Variants in ACAD10 observed in about 807,000 individuals in gnomAD.
The protein encoded by ACAD10 is acyl-CoA dehydrogenase family member 10.
In ACAD10, 112 loss-of-function variants were observed where a neutral mutation model predicts 116.8. The observed-to-expected ratio is 0.96, with a 90% CI of 0.82 to 1.12. The LOEUF (loss-of-function observed/expected upper bound fraction) is 1.12, where lower values mean the gene tolerates loss of function less well. Ranked by LOEUF, ACAD10 falls within the 50% of genes most tolerant of loss-of-function variation. ACAD10 has a pLI of 0.00. For synonymous variants in ACAD10, 486 were observed against 510.6 expected (o/e 0.95, Z 0.65); for missense variants, 1,259 against 1,350.2 (o/e 0.93, Z 1.06).
intron 6 of ACAD10, among the ~76,000 whole-genome samples, chr12:111,714,460 T>C (rs761183160): frequency 1.1e-4 from 17 of 150,552 alleles, no homozygotes; most frequent in Admixed American, 2.0e-4. Flanking sequence ...AGGCCAGGAG[T>C]TTGAGACCAG....
At chr12:111,744,198 G>T (rs546551729) in intron 12 of ACAD10, among the ~76,000 whole-genome samples, 10 of 152,260 alleles carry the variant, frequency 6.6e-5, no homozygotes, top group African/African-American at 2.2e-4. Flanking sequence ...CTAGAAGTTG[G>T]CTCTTCCTTT....
chr12:111,729,963 G>C lies in ACAD10; in HGVS notation c.1394+7G>C. The C allele has an allele frequency of 1.2e-6, 2 of 1,612,804 alleles. No homozygotes were observed. The highest frequency in any genetic ancestry group is 8.5e-7 in the Non-Finnish European group (1 of 1,179,204). On this transcript the variant is annotated splice_region_variant and intron_variant, in intron 10 of 20. Coordinates refer to ENST00000313698, the MANE Select transcript of ACAD10 (RefSeq NM_025247.6). ...TGGTGCACGGGGACTTCAGGTAGAT[G>C]TGGTGGCAGGGAGAGCTGAAAAATG...
intron 2 of ACAD10, among the ~76,000 whole-genome samples, chr12:111,695,104 A>T (rs1024156803): frequency 2.6e-5 from 4 of 152,164 alleles, no homozygotes; most frequent in Non-Finnish European, 5.9e-5. Flanking sequence ...GAATGCCTGC[A>T]TGTGGTCCCC....
chr12:111,723,686 C>CA (rs1346360801), intron 8 of ACAD10, among the ~76,000 whole-genome samples: 2 of 73,134 alleles, frequency 2.7e-5, no homozygotes, highest in African/African-American at 1.3e-4. Flanking sequence ...GGGGGCTGAC[C>CA]CCCCCCCCCA....
At chr12:111,740,957 A>G (rs1010429477) in intron 12 of ACAD10, among the ~76,000 whole-genome samples, 1 of 152,144 alleles carries the variant, frequency 6.6e-6, no homozygotes, top group Non-Finnish European at 1.5e-5. Context: ...CTGTGTTCTC[A>G]GCCAGGTTGC....
chr12:111,729,594 G>C lies in ACAD10; in HGVS notation c.1244-212G>C, dbSNP rs573084731. Among the ~76,000 whole-genome samples, 3 of 152,278 alleles carry C rather than the reference G, an allele frequency of 2.0e-5. No homozygotes were observed. The South Asian group carries it at 6.2e-4, about 32-fold the overall frequency. On this transcript the variant is annotated intron_variant, in intron 9 of 20. Transcript: ENST00000313698. ...ACCATATAGCTAGGAACAGCACCCA[G>C]ACCACACTAATCCAGCCAAAGAGCT...
At chr12:111,711,751 A>C (rs1487301863) in intron 5 of ACAD10, among the ~76,000 whole-genome samples, 1 of 151,882 alleles carries the variant, frequency 6.6e-6, no homozygotes, top group Non-Finnish European at 1.5e-5. Context: ...TGGCCTCGTG[A>C]TCCACCCGCC....
At chr12:111,750,190 C>T (rs1369382697) in intron 18 of ACAD10, among the ~76,000 whole-genome samples, 1 of 149,500 alleles carries the variant, frequency 6.7e-6, no homozygotes, top group Non-Finnish European at 1.5e-5. Flanking sequence ...CTACTGGGTT[C>T]ACACCATTCT....
chr12:111,714,151 A>G (rs1566149717), intron 6 of ACAD10, among the ~76,000 whole-genome samples: 1 of 151,722 alleles, frequency 6.6e-6, no homozygotes, highest in Admixed American at 6.6e-5. Flanking sequence ...AGGCTAAGAC[A>G]GGAGAATCAC....
chr12:111,699,319 A>G (rs75456659), intron 2 of ACAD10, among the ~76,000 whole-genome samples: 2,371 of 152,260 alleles, frequency 0.016, 72 homozygotes, highest in African/African-American at 0.054. Context: ...AGTTATGCCA[A>G]CCCCATTTAT....
At chr12:111,692,133 T>C (rs960555248) in intron 1 of ACAD10, among the ~76,000 whole-genome samples, 2 of 152,130 alleles carry the variant, frequency 1.3e-5, no homozygotes, top group Non-Finnish European at 2.9e-5. Context: ...CATGCCCGGC[T>C]AATTTTGTAT....
rs148867702 is a variant in ACAD10 at position 111,736,928 on chromosome 12, C to G, written c.1638C>G (p.Asn546Lys). The G allele has an allele frequency of 1.9e-6, 3 of 1,614,178 alleles. No homozygotes were observed. Among genetic ancestry groups the G allele is most frequent in the Non-Finnish European group, 2.5e-6 (3 of 1,180,020 alleles). Residue 546 changes from asparagine (N) to lysine (K), a missense_variant, in exon 12 of 21, where the codon AAC (asparagine) becomes AAG (lysine). Physicochemically the swap from Asn to Lys is moderately conservative, Grantham distance 94. Coordinates refer to ENST00000313698, the MANE Select transcript of ACAD10 (RefSeq NM_025247.6). Reference protein sequence around the residue: ...CLQMGLPPTENWNFYMAFSFF... With the variant: ...CLQMGLPPTEKWNFYMAFSFF... The stretch of plus-strand genomic sequence containing the variant: ...AAATGGGGCTCCCTCCCACTGAGAA[C>G]TGGAACTTCTATATGGCTTTTTCCT...
rs1889276070 is a variant in ACAD10, at chr12:111,728,072, T to C, written c.1172T>C (p.Met391Thr). ...PSHRRAIYTA[M>T]NTVLCKIHSV... ...CACAGACGAGCCATATACACTGCCA[T>C]GAACACAGTCCTGTGCAAAATTCAC... The change falls in exon 9 of 21, where the codon ATG becomes ACG. Residue 391 changes from methionine to threonine, a missense_variant. Transcript: ENST00000313698. The C allele has an allele frequency of 2.5e-6, 4 of 1,614,014 alleles. No homozygotes were observed. Among genetic ancestry groups the C allele is most frequent in the Admixed American group, 3.3e-5 (2 of 59,996 alleles).
chr12:111,723,707 G>T (rs1421471773), intron 8 of ACAD10, among the ~76,000 whole-genome samples: 1 of 144,706 alleles, frequency 6.9e-6, no homozygotes, highest in East Asian at 2.1e-4. Context: ...CCTCCCTCCC[G>T]GACGGGGTGG....
chr12:111,740,530 C>CG (rs1040007937), intron 12 of ACAD10, among the ~76,000 whole-genome samples: 3 of 146,066 alleles, frequency 2.1e-5, no homozygotes, highest in Non-Finnish European at 4.5e-5. Context: ...GAGGCCGAGG[C>CG]GGGGGGATCA....
intron 2 of ACAD10, 136 bp downstream of exon 2, chr12:111,693,032 C>A: frequency 1.1e-6 from 1 of 911,310 alleles, no homozygotes; most frequent in Non-Finnish European, 1.6e-6. Context: ...GAGTCGAATT[C>A]CAAGCACCAC....
At chr12:111,692,652 G>A (rs1295909822) in intron 1 of ACAD10, 45 bp from the exon 2 acceptor site, 1 of 1,565,878 alleles carries the variant, frequency 6.4e-7, no homozygotes, top group African/African-American at 1.4e-5. Context: ...GCCTGGTTGG[G>A]AGGCAGTGCA....
At chr12:111,709,361 A>C (rs1317937458) in intron 4 of ACAD10, among the ~76,000 whole-genome samples, 165 bp from the exon 5 acceptor site, 1 of 152,236 alleles carries the variant, frequency 6.6e-6, no homozygotes, top group Non-Finnish European at 1.5e-5. Context: ...CAAATTACTC[A>C]ATGTAAGAAG....
At chr12:111,706,472 T>C (rs1056649532) in intron 4 of ACAD10, among the ~76,000 whole-genome samples, 1 of 152,070 alleles carries the variant, frequency 6.6e-6, no homozygotes, top group Non-Finnish European at 1.5e-5. Context: ...TATTTTGAGA[T>C]GGAGTCTCGC....
Sources: allele counts gnomAD v4.1 joint callset (sites outside exome capture counted in the v4.1 genomes callset), GRCh38; gene constraint gnomAD v4.1.1; transcripts MANE v1.5; gene names NCBI Gene and HGNC (gene_info 2026-07-23, HGNC 2026-07-21).